The following TMA7 variants were observed in gnomAD, a reference collection of about 807,000 sequenced individuals.
TMA7 encodes translation machinery-associated protein 7.
TMA7 carries 5 observed loss-of-function variants against 12.5 expected under a neutral mutation model. The observed-to-expected ratio is 0.40, with a 90% confidence interval of 0.21 to 0.84. The LOEUF (loss-of-function observed/expected upper bound fraction) is 0.84. Among genes scored for constraint, TMA7 ranks in the 40% least tolerant of loss-of-function variants. TMA7 has a pLI of 0.36. For synonymous variants in TMA7, 36 were observed against 28.1 expected (o/e 1.28, Z -0.89); for missense variants, 71 against 75.4 (o/e 0.94, Z 0.22).
At chr3:48,443,496 T>C (rs1372817853) in intron 3 of TMA7, among the ~76,000 whole-genome samples, 1 of 150,058 alleles carries the variant, frequency 6.7e-6, no homozygotes. Flanking sequence ...ATCGTGCCAC[T>C]GCACTGCAGC....
intron 3 of TMA7, among the ~76,000 whole-genome samples, chr3:48,443,453 C>T (rs1400381829): frequency 1.3e-5 from 2 of 150,642 alleles, no homozygotes; most frequent in Non-Finnish European, 3.0e-5. Context: ...AGAATTGCTT[C>T]AACCTGGGAG....
In TMA7 at chr3:48,443,939, C is replaced by T. The variant is rs554268815; in HGVS notation, c.*57C>T. ...CTTTATTTCATCTGTATTTAAACCT[C>T]TCTATTCCCTGCCATAACATCTTTT... On this transcript the variant is annotated 3_prime_UTR_variant, in exon 4 of 4. Transcript: ENST00000438607. The T allele has an allele frequency of 1.6e-6, 2 of 1,270,418 alleles. No individual in the cohort carries two copies. Among genetic ancestry groups the T allele is most frequent in the Admixed American group, 3.0e-5 (1 of 32,826 alleles). The allele number at this position is 1,270,418 out of a possible 1,614,324, so 78.7% of individuals were successfully genotyped here. A position where few individuals can be genotyped will look rare whatever the true frequency, so the allele number is the denominator to read the frequency against.
rs915940370 is a variant in TMA7, at chr3:48,440,531, C to T, written c.73-10C>T. 12 of 1,610,010 alleles carry T rather than the reference C, an allele frequency of 7.5e-6. No homozygotes were observed. The African/African-American group carries it at 1.1e-4, about 14-fold the overall frequency. ...CAGGCCTGAGTTGAACACGCTCTGC[C>T]TCTCCCCAGGAAGATAAGGCTTTCA... On this transcript the variant is annotated splice_polypyrimidine_tract_variant and intron_variant, in intron 2 of 3. Transcript: ENST00000438607.
rs774236200 is a variant in TMA7 at position 48,440,606 on chromosome 3, G to A, written c.138G>A (p.Lys46=). ...EQKKLEELKA[K]AAGKGPLATG... Reference sequence around the variant, plus strand: ...AGAAACTCGAGGAGCTAAAAGCGAAGGCCGCGGGGAAGGGGCCCTTGGGTA... The same window carrying A: ...AGAAACTCGAGGAGCTAAAAGCGAAAGCCGCGGGGAAGGGGCCCTTGGGTA... Residue 46 remains lysine, a synonymous_variant, in exon 3 of 4, where the codon AAG becomes AAA. Transcript: ENST00000438607. The A allele has an allele frequency of 1.2e-6, 2 of 1,611,742 alleles. No homozygotes were observed. Among genetic ancestry groups the A allele is most frequent in the African/African-American group, 1.3e-5 (1 of 74,978 alleles).
At chr3:48,441,685 TA>T (rs2039573910) in intron 3 of TMA7, among the ~76,000 whole-genome samples, 1 of 152,216 alleles carries the variant, frequency 6.6e-6, no homozygotes, top group Non-Finnish European at 1.5e-5. Context: ...CATTTCAAAA[TA>T]TTTTTCAGGC....
At chr3:48,441,828 G>A (rs533720094) in intron 3 of TMA7, among the ~76,000 whole-genome samples, 3 of 152,220 alleles carry the variant, frequency 2.0e-5, no homozygotes, top group African/African-American at 7.2e-5. Flanking sequence ...TGGAGACAAG[G>A]ATGGTGGGAG....
chr3:48,442,612 C>G (rs35215722), intron 3 of TMA7, among the ~76,000 whole-genome samples: 85,574 of 151,176 alleles, frequency 0.57, 24,259 homozygotes, highest in East Asian at 0.69. Context: ...CCACCATGCC[C>G]GGCTAATTTT....
At chr3:48,441,953 G>C (rs1386987293) in intron 3 of TMA7, among the ~76,000 whole-genome samples, 1 of 152,192 alleles carries the variant, frequency 6.6e-6, no homozygotes, top group Non-Finnish European at 1.5e-5. Flanking sequence ...GGTGTAAGGG[G>C]CCAGGCACAG....
Position 48,440,304 on chromosome 3 carries a change from G to A in TMA7, c.8G>A (p.Gly3Asp), listed in dbSNP as rs1460187754. The change falls in exon 1 of 4, where the codon GGC becomes GAC. Residue 3 changes from glycine to aspartate, a missense_variant. Coordinates refer to ENST00000438607, the MANE Select transcript of TMA7 (RefSeq NM_015933.6). ...GAAGCGGCGGCAGGCGCCATGTCCG[G>A]CCGCGAAGGTAAGTGTTCCGGAACC... MS[G>D]REGGKKKPLK... The A allele has an allele frequency of 6.2e-7, 1 of 1,607,654 alleles. No individual in the cohort carries two copies. The highest frequency in any genetic ancestry group is 1.3e-5 in the African/African-American group (1 of 74,962).
intron 3 of TMA7, chr3:48,440,981 G>A (rs2039547761): frequency 2.7e-6 from 1 of 375,702 alleles, no homozygotes; most frequent in Non-Finnish European, 4.9e-6. Context: ...CTGCCTTCTA[G>A]TGTTTGAACC....
chr3:48,443,513 G>A (rs532053770), intron 3 of TMA7, among the ~76,000 whole-genome samples: 4 of 150,390 alleles, frequency 2.7e-5, no homozygotes, highest in South Asian at 4.2e-4. Context: ...CAGCCTGGGC[G>A]ACAGAGCAAG....
chr3:48,441,378 T>G (rs2039560434), intron 3 of TMA7, among the ~76,000 whole-genome samples: 1 of 151,860 alleles, frequency 6.6e-6, no homozygotes, highest in African/African-American at 2.4e-5. Context: ...AGACGGAGTT[T>G]CACCATGTTG....
At chr3:48,441,263 C>G (rs573656877) in intron 3 of TMA7, among the ~76,000 whole-genome samples, 1 of 152,168 alleles carries the variant, frequency 6.6e-6, no homozygotes, top group Admixed American at 6.5e-5. Flanking sequence ...CCAGGCTGGT[C>G]TTGAACTCCT....
chr3:48,441,922 C>T (rs1224636720), intron 3 of TMA7, among the ~76,000 whole-genome samples: 1 of 152,154 alleles, frequency 6.6e-6, no homozygotes, highest in African/African-American at 2.4e-5. Flanking sequence ...ATTTCTAGCT[C>T]TTGAGATTCC....
At chr3:48,442,943 T>C (rs905127752) in intron 3 of TMA7, among the ~76,000 whole-genome samples, 47 of 151,842 alleles carry the variant, frequency 3.1e-4, no homozygotes, top group Non-Finnish European at 4.9e-4. Context: ...CACCTAACAA[T>C]AAGACTTCTT....
intron 3 of TMA7, among the ~76,000 whole-genome samples, chr3:48,441,613 A>T (rs2039571238): frequency 6.6e-6 from 1 of 152,080 alleles, no homozygotes; most frequent in African/African-American, 2.4e-5. Context: ...CTGTTGCTCC[A>T]TATGCTTTTC....
At chr3:48,442,087 G>T (rs1575431172) in intron 3 of TMA7, among the ~76,000 whole-genome samples, 2 of 152,132 alleles carry the variant, frequency 1.3e-5, no homozygotes, top group African/African-American at 4.8e-5. Flanking sequence ...GCTGGGCGTG[G>T]TGGTGGTGGC....
chr3:48,442,682 C>T (rs1036811965), intron 3 of TMA7, among the ~76,000 whole-genome samples: 1 of 151,902 alleles, frequency 6.6e-6, no homozygotes, highest in Admixed American at 6.6e-5. Flanking sequence ...GATCTCCTGA[C>T]CTCGTGATCC....
At chr3:48,443,492 C>T (rs572667628) in intron 3 of TMA7, among the ~76,000 whole-genome samples, 30 of 151,766 alleles carry the variant, frequency 2.0e-4, no homozygotes, top group Non-Finnish European at 3.8e-4. Context: ...TGAGATCGTG[C>T]CACTGCACTG....
Sources: gnomAD v4.1 joint callset for allele counts (sites outside exome capture counted in the v4.1 genomes callset) on GRCh38, gnomAD v4.1.1 for gene constraint, MANE v1.5 for transcripts, NCBI Gene and HGNC (gene_info 2026-07-23, HGNC 2026-07-21) for gene names.